Variants in PADI4 observed in about 807,000 individuals in gnomAD.
The protein encoded by PADI4 is peptidyl arginine deiminase 4.
Under a neutral mutation model 75.0 loss-of-function variants are expected in PADI4, and 62 were observed. The ratio of observed to expected loss-of-function variants is 0.83; its 90% CI spans 0.67 to 1.02. The LOEUF (loss-of-function observed/expected upper bound fraction) is 1.02. PADI4 is among the 50% of genes least tolerant of loss of function. The probability of loss-of-function intolerance (pLI) is 0.00; values close to 1 mark genes in which losing one functional copy is unlikely to be tolerated. For synonymous variants in PADI4, 361 were observed against 348.1 expected (o/e 1.04, Z -0.41); for missense variants, 845 against 850.5 (o/e 0.99, Z 0.08).
At chr1:17,344,934 C>T (rs1056755879) in intron 8 of PADI4, among the ~76,000 whole-genome samples, 2 of 152,238 alleles carry the variant, frequency 1.3e-5, no homozygotes, top group Admixed American at 6.5e-5. Flanking sequence ...AGAAGAGGGC[C>T]ACTGTCCTCC....
Position 17,336,202 on chromosome 1 carries a change from G to A in PADI4, c.384G>A (p.Lys128=), listed in dbSNP as rs369869265. ...ACATCACCCGCACCGGCAAAGTGAA[G>A]CCAACCAGAGCTGTGAAAGATCAGG... ...CADITRTGKV[K]PTRAVKDQRT... is the part of the protein sequence containing the mutation. Residue 128 remains lysine (K), a synonymous_variant, in exon 4 of 16, where the codon AAG becomes AAA. Coordinates refer to ENST00000375448, the MANE Select transcript of PADI4 (RefSeq NM_012387.3). The A allele has an allele frequency of 1.4e-4, 228 of 1,613,680 alleles. 3 individuals are homozygous for A. Among genetic ancestry groups the A allele is most frequent in the Admixed American group, 6.7e-5 (4 of 59,990 alleles).
intron 1 of PADI4, among the ~76,000 whole-genome samples, chr1:17,327,397 T>C (rs2074133032): frequency 6.6e-6 from 1 of 152,214 alleles, no homozygotes; most frequent in Non-Finnish European, 1.5e-5. Context: ...ATGTATCTTT[T>C]ATCCTTTTTA....
At chr1:17,353,568 G>A (rs1283786966) in intron 10 of PADI4, among the ~76,000 whole-genome samples, 1 of 152,124 alleles carries the variant, frequency 6.6e-6, no homozygotes, top group Non-Finnish European at 1.5e-5. Flanking sequence ...AAGGCTAGAT[G>A]TACCCTCTCC....
intron 2 of PADI4, among the ~76,000 whole-genome samples, chr1:17,332,473 C>G (rs767665817): frequency 5.9e-5 from 9 of 152,178 alleles, no homozygotes; most frequent in Non-Finnish European, 1.3e-4. Context: ...TGGTCTCAAA[C>G]TCCTGACCTC....
intron 10 of PADI4, among the ~76,000 whole-genome samples, chr1:17,351,959 AGAGGCGGCCAGGGAG>A (rs1557576047): frequency 1.2e-3 from 120 of 103,626 alleles, no homozygotes; most frequent in Non-Finnish European, 1.6e-3. Flanking sequence ...AGGTGGGAGG[AGAGGCGGCCAGGGAG>A]GTGATGGGAG....
intron 1 of PADI4, among the ~76,000 whole-genome samples, chr1:17,316,099 C>G (rs555163161): frequency 1.3e-5 from 2 of 152,092 alleles, no homozygotes; most frequent in African/African-American, 4.8e-5. Context: ...CCATTTATGT[C>G]GATAACACTC....
intron 1 of PADI4, among the ~76,000 whole-genome samples, chr1:17,308,757 G>T (rs1261974389): frequency 9.8e-6 from 1 of 101,782 alleles, no homozygotes; most frequent in African/African-American, 3.3e-5. Flanking sequence ...AGCGTGGGTG[G>T]GGATGGCGAA....
At chr1:17,355,150 C>A (rs1425137962) in intron 11 of PADI4, among the ~76,000 whole-genome samples, 1 of 152,102 alleles carries the variant, frequency 6.6e-6, no homozygotes, top group Non-Finnish European at 1.5e-5. Context: ...GGGACAGGGC[C>A]ACCTGGAGAT....
chr1:17,363,037 G>C (rs949868444), intron 15 of PADI4, among the ~76,000 whole-genome samples: 1 of 152,028 alleles, frequency 6.6e-6, no homozygotes, highest in Non-Finnish European at 1.5e-5. Flanking sequence ...AGCTGGTCTC[G>C]AGCTCCTGAC....
chr1:17,331,595 C>T (rs745341974), intron 2 of PADI4, among the ~76,000 whole-genome samples: 39 of 150,856 alleles, frequency 2.6e-4, no homozygotes, highest in Admixed American at 2.4e-3. Flanking sequence ...GCTCCTGGAT[C>T]GGTTTCCTGT....
chr1:17,362,616 C>T (rs573681961), intron 15 of PADI4, among the ~76,000 whole-genome samples: 4 of 152,054 alleles, frequency 2.6e-5, no homozygotes, highest in Non-Finnish European at 4.4e-5. Flanking sequence ...AATGGATACA[C>T]TAGAAGCCCA....
At chr1:17,341,023 A>G (rs771544313) in intron 6 of PADI4, among the ~76,000 whole-genome samples, 3 of 145,358 alleles carry the variant, frequency 2.1e-5, no homozygotes, top group Non-Finnish European at 4.5e-5. Context: ...CAGGTCTCGA[A>G]CTCCTGACCT....
chr1:17,309,025 T>C (rs1467091059), intron 1 of PADI4, among the ~76,000 whole-genome samples: 1 of 152,040 alleles, frequency 6.6e-6, no homozygotes, highest in Admixed American at 6.6e-5. Flanking sequence ...TGTGGCAGGG[T>C]CTGGGTTAAA....
At chr1:17,333,708 G>A (rs368683403) in intron 2 of PADI4, among the ~76,000 whole-genome samples, 3 of 152,024 alleles carry the variant, frequency 2.0e-5, no homozygotes, top group Admixed American at 6.6e-5. Context: ...GACCCTGCCA[G>A]GCAGAGTGTC....
At chr1:17,311,390 G>A (rs1013859304) in intron 1 of PADI4, among the ~76,000 whole-genome samples, 2 of 152,202 alleles carry the variant, frequency 1.3e-5, no homozygotes, top group African/African-American at 2.4e-5. Context: ...TGTGGGCAGA[G>A]CTCATTCAAC....
At chr1:17,318,539 C>T (rs114030789) in intron 1 of PADI4, among the ~76,000 whole-genome samples, 1,740 of 152,294 alleles carry the variant, frequency 0.011, 41 homozygotes, top group African/African-American at 0.04. Context: ...AACTCCCAAA[C>T]GGAGGCGGGA....
At chr1:17,342,158 G>A (rs773940849) in intron 7 of PADI4, 37 bp downstream of exon 7, 96 of 1,595,484 alleles carry the variant, frequency 6.0e-5, no homozygotes, top group South Asian at 3.2e-4. Flanking sequence ...GGGGGCCTGG[G>A]CTTCCAGGCA....
chr1:17,324,660 G>T (rs573977732), intron 1 of PADI4, among the ~76,000 whole-genome samples: 1 of 152,112 alleles, frequency 6.6e-6, no homozygotes, highest in South Asian at 2.1e-4. Context: ...TGAATTTTTT[G>T]ATCTTTTCCT....
chr1:17,351,993 GTCAGGGAGGTGATGGGAGGA>G (rs2074647210), intron 10 of PADI4, among the ~76,000 whole-genome samples: 8 of 21,138 alleles, frequency 3.8e-4, no homozygotes, highest in Admixed American at 3.5e-3. Context: ...AGGAGAGGCA[GTCAGGGAGGTGATGGGAGGA>G]GAGGCGGCCA....
Sources: allele counts gnomAD v4.1 joint callset (sites outside exome capture counted in the v4.1 genomes callset), GRCh38; gene constraint gnomAD v4.1.1; transcripts MANE v1.5; gene names NCBI Gene and HGNC (gene_info 2026-07-23, HGNC 2026-07-21).